ULK4: variants seen among roughly 807,000 people sequenced by gnomAD.
The protein encoded by ULK4 is unc-51 like kinase 4.
ULK4 carries 133 observed loss-of-function variants against 160.6 expected under a neutral mutation model. The observed-to-expected ratio is 0.83, with a 90% CI of 0.72 to 0.96. The LOEUF is 0.96. Ranked by LOEUF, ULK4 falls within the 40% of genes least tolerant of loss-of-function variation. The probability of loss-of-function intolerance (pLI) is 0.00; values close to 1 mark genes in which losing one functional copy is unlikely to be tolerated. For synonymous variants in ULK4, 534 were observed against 539.8 expected, an observed-to-expected ratio of 0.99 and a Z score of 0.15; for missense variants, 1,580 against 1,499.5, an observed-to-expected ratio of 1.05 and a Z score of -0.89.
chr3:41,363,102 G>A (rs2081181228), intron 35 of ULK4, among the ~76,000 whole-genome samples: 1 of 152,206 alleles, frequency 6.6e-6, no homozygotes, highest in South Asian at 2.1e-4. Context: ...AATGCCCCAA[G>A]GTCACTGAAG....
chr3:41,506,777 T>TATATATAA (rs2085402725), intron 32 of ULK4, among the ~76,000 whole-genome samples: 3 of 17,436 alleles, frequency 1.7e-4, no homozygotes, highest in African/African-American at 4.0e-4. Flanking sequence ...AATATATATA[T>TATATATAA]ATATATATAT....
At chr3:41,792,431 GAAGTGATGTCCTTA>G (rs2040179703) in intron 20 of ULK4, among the ~76,000 whole-genome samples, 1 of 151,986 alleles carries the variant, frequency 6.6e-6, no homozygotes, top group South Asian at 2.1e-4. Context: ...AAGATCATTT[GAAGTGATGTCCTTA>G]AAGATCAGAA....
intron 35 of ULK4, among the ~76,000 whole-genome samples, chr3:41,333,602 T>A (rs1022300481): frequency 8.5e-5 from 13 of 152,182 alleles, no homozygotes; most frequent in Non-Finnish European, 1.5e-4. Context: ...AGTGCCACCT[T>A]GTGACAAGTT....
At chr3:41,446,849 C>T (rs2083308447) in intron 34 of ULK4, among the ~76,000 whole-genome samples, 1 of 150,794 alleles carries the variant, frequency 6.6e-6, no homozygotes, top group Admixed American at 6.6e-5. Context: ...GTACGTTGTG[C>T]ACATGTACCA....
chr3:41,271,410 G>C (rs80047953), intron 35 of ULK4, among the ~76,000 whole-genome samples: 1 of 64,300 alleles, frequency 1.6e-5, no homozygotes, highest in Non-Finnish European at 3.0e-5. Flanking sequence ...TTTTTTTTTT[G>C]AGACAAAGTT....
At chr3:41,774,007 C>T (rs1234576628) in intron 21 of ULK4, among the ~76,000 whole-genome samples, 1 of 152,156 alleles carries the variant, frequency 6.6e-6, no homozygotes, top group Non-Finnish European at 1.5e-5. Context: ...GCTGGGAAAA[C>T]TGGCTAGCCA....
intron 22 of ULK4, among the ~76,000 whole-genome samples, chr3:41,727,629 A>G (rs1053373644): frequency 6.6e-6 from 1 of 152,216 alleles, no homozygotes; most frequent in East Asian, 1.9e-4. Context: ...GTGTAAGAAA[A>G]GATCAGAGAG....
chr3:41,344,958 A>G (rs912073282), intron 35 of ULK4, among the ~76,000 whole-genome samples: 6 of 152,200 alleles, frequency 3.9e-5, no homozygotes, highest in African/African-American at 1.4e-4. Context: ...TGCACCAAAA[A>G]GTGGGCAAAG....
At chr3:41,571,114 T>C (rs992387526) in intron 31 of ULK4, among the ~76,000 whole-genome samples, 4 of 152,264 alleles carry the variant, frequency 2.6e-5, no homozygotes. Context: ...CCATAGATCA[T>C]GAACTTTGCT....
At chr3:41,777,904 T>C (rs2039689770) in intron 21 of ULK4, among the ~76,000 whole-genome samples, 1 of 141,876 alleles carries the variant, frequency 7.0e-6, no homozygotes, top group East Asian at 1.9e-4. Context: ...CTGGAAGCAT[T>C]CCCTTTGAAA....
chr3:41,884,666 G>C (rs1455250241), intron 16 of ULK4, among the ~76,000 whole-genome samples: 1 of 152,154 alleles, frequency 6.6e-6, no homozygotes, highest in African/African-American at 2.4e-5. Context: ...ATGTACCTTA[G>C]TCAGCTTTTA....
Position 41,444,746 on chromosome 3 carries a change from G to C in ULK4, c.3492+10751C>G, listed in dbSNP as rs570001474. Among the ~76,000 whole-genome samples the C allele has an allele frequency of 3.3e-5, 5 of 152,194 alleles. No homozygotes were observed. In the South Asian group the frequency reaches 1.0e-3, roughly 32 times the overall value. The stretch of plus-strand genomic sequence containing the variant: ...TGTAATCCCAGCACTTTGAAAGGCC[G>C]AGGTGGACGGATCACAAAGTCAGGA... On this transcript the variant is annotated intron_variant, in intron 34 of 36. Transcript: ENST00000301831.
chr3:41,914,197 A>G (rs917374042), intron 8 of ULK4, among the ~76,000 whole-genome samples: 4 of 152,258 alleles, frequency 2.6e-5, no homozygotes, highest in African/African-American at 9.6e-5. Flanking sequence ...AAATTTTAAA[A>G]CAAAAAAGAA....
At position 41,281,779 on chromosome 3, in the gene ULK4, T is replaced by G. The variant is rs148758388; in HGVS notation, c.3679-32205A>C. Among the ~76,000 whole-genome samples, 1,072 of 152,280 alleles carry G rather than the reference T, an allele frequency of 7.0e-3. 9 individuals are homozygous for G. The highest frequency in any genetic ancestry group is 0.024 in the African/African-American group (1,011 of 41,542). ...CCTCTCTCACCACTCCTATTCAACA[T>G]AGTGTTGGAAGTTCTGGCCAGGGAA... On this transcript the variant is annotated intron_variant, in intron 35 of 36. Transcript: ENST00000301831.
intron 35 of ULK4, among the ~76,000 whole-genome samples, chr3:41,331,255 T>C (rs1418188818): frequency 6.6e-6 from 1 of 152,108 alleles, no homozygotes; most frequent in African/African-American, 2.4e-5. Context: ...ACTGAGGAAA[T>C]GGCACAGCAG....
At chr3:41,951,992 G>C (rs968551583) in intron 2 of ULK4, among the ~76,000 whole-genome samples, 1 of 152,142 alleles carries the variant, frequency 6.6e-6, no homozygotes, top group African/African-American at 2.4e-5. Flanking sequence ...TCCAGTCTAA[G>C]GTATTTTGTC....
intron 35 of ULK4, among the ~76,000 whole-genome samples, chr3:41,369,271 G>A (rs909634048): frequency 4.6e-5 from 7 of 152,158 alleles, no homozygotes; most frequent in Non-Finnish European, 1.0e-4. Context: ...GAGGCAGGCA[G>A]CTTGCTTGAA....
chr3:41,353,062 C>T (rs1361810258), intron 35 of ULK4, among the ~76,000 whole-genome samples: 1 of 152,190 alleles, frequency 6.6e-6, no homozygotes, highest in Non-Finnish European at 1.5e-5. Context: ...TGGTAGCCTT[C>T]CTTTCTGGAC....
At chr3:41,712,914 AC>A (rs2037151791) in intron 25 of ULK4, among the ~76,000 whole-genome samples, 2 of 152,008 alleles carry the variant, frequency 1.3e-5, no homozygotes, top group South Asian at 4.2e-4. Flanking sequence ...AAGCAAAAAA[AC>A]AAGCAAAAAA....
Sources: allele counts gnomAD v4.1 joint callset (sites outside exome capture counted in the v4.1 genomes callset), GRCh38; gene constraint gnomAD v4.1.1; transcripts MANE v1.5; gene names NCBI Gene and HGNC (gene_info 2026-07-23, HGNC 2026-07-21).